Variants in DRC9 observed in about 807,000 individuals in gnomAD.
DRC9 encodes the protein dynein regulatory complex subunit 9.
chr3:197,932,192 A>C, the DRC9 span: 1 of 1,612,932 alleles, frequency 6.2e-7, no homozygotes, highest in East Asian at 2.2e-5. Context: ...GATGTCATAG[A>C]AATGCATTTT....
chr3:197,938,419 T>G, the DRC9 span: 2 of 698,138 alleles, frequency 2.9e-6, no homozygotes, highest in Non-Finnish European at 5.1e-6. Context: ...GCTAATTCTA[T>G]TCTCAGCAGT....
chr3:197,938,985 A>G, the DRC9 span: 28 of 568,758 alleles, frequency 4.9e-5, no homozygotes, highest in East Asian at 8.0e-4. Context: ...TCATTCCCCA[A>G]CTTACCACCT....
the DRC9 span, among the ~76,000 whole-genome samples, chr3:197,935,238 C>T: frequency 2.0e-5 from 3 of 152,036 alleles, no homozygotes; most frequent in Admixed American, 6.5e-5. Context: ...GTCGGGAGTT[C>T]GAGATCAGCC....
the DRC9 span, among the ~76,000 whole-genome samples, chr3:197,902,859 G>T: frequency 1.3e-5 from 2 of 152,078 alleles, no homozygotes; most frequent in Non-Finnish European, 2.9e-5. Context: ...AACCACAAAA[G>T]ACCCAGAATA....
the DRC9 span, chr3:197,913,357 C>CGTGGGTGT: frequency 4.5e-6 from 1 of 223,594 alleles, no homozygotes; most frequent in South Asian, 7.1e-5. Context: ...TGTGTGCGTG[C>CGTGGGTGT]GTGCGTGTGT....
chr3:197,954,964 C>A, the DRC9 span, among the ~76,000 whole-genome samples: 1 of 152,170 alleles, frequency 6.6e-6, no homozygotes, highest in African/African-American at 2.4e-5. Context: ...TTATTTTGTA[C>A]ATGAAGAAAA....
At chr3:197,943,716 A>G in the DRC9 span, 1 of 1,294,358 alleles carries the variant, frequency 7.7e-7, no homozygotes, top group Non-Finnish European at 1.1e-6. Flanking sequence ...TGGGATAGGT[A>G]CTATAAATGA....
chr3:197,927,762 G>A, the DRC9 span, among the ~76,000 whole-genome samples: 4 of 152,114 alleles, frequency 2.6e-5, no homozygotes, highest in African/African-American at 4.8e-5. Flanking sequence ...ATACACCATG[G>A]AATACTATGC....
the DRC9 span, chr3:197,951,040 TA>T: frequency 2.5e-6 from 4 of 1,597,226 alleles, no homozygotes; most frequent in African/African-American, 5.4e-5. Flanking sequence ...AATGCGAGCT[TA>T]AAATTGGCAA....
At chr3:197,935,211 C>T in the DRC9 span, among the ~76,000 whole-genome samples, 10 of 151,960 alleles carry the variant, frequency 6.6e-5, no homozygotes, top group Admixed American at 1.3e-4. Flanking sequence ...GAGACTGAGG[C>T]GGGCGGATCA....
At chr3:197,912,801 G>T in the DRC9 span, 1 of 1,463,510 alleles carries the variant, frequency 6.8e-7, no homozygotes. Context: ...CTGGGAATCA[G>T]AAGTTCTCAA....
chr3:197,914,420 T>C, the DRC9 span, among the ~76,000 whole-genome samples: 1 of 152,238 alleles, frequency 6.6e-6, no homozygotes, highest in Non-Finnish European at 1.5e-5. Context: ...AACTTTTTAC[T>C]TTCTATAAAA....
the DRC9 span, chr3:197,943,714 G>T: frequency 7.8e-7 from 1 of 1,280,244 alleles, no homozygotes; most frequent in Non-Finnish European, 1.1e-6. Flanking sequence ...AATGGGATAG[G>T]TACTATAAAT....
chr3:197,938,486 C>T, the DRC9 span: 13 of 1,198,736 alleles, frequency 1.1e-5, no homozygotes, highest in Admixed American at 1.9e-4. Context: ...GCCACCTGGG[C>T]GCCCCTTCGC....
At chr3:197,938,494 C>T in the DRC9 span, 18 of 1,375,056 alleles carry the variant, frequency 1.3e-5, no homozygotes, top group Admixed American at 1.7e-5. Flanking sequence ...GGCGCCCCTT[C>T]GCTCATCTAT....
At chr3:197,938,575 T>C in the DRC9 span, 58 of 1,613,536 alleles carry the variant, frequency 3.6e-5, no homozygotes, top group Admixed American at 9.7e-4. Context: ...CTTCAGTGTC[T>C]CCGTAGTCAT....
the DRC9 span, among the ~76,000 whole-genome samples, chr3:197,935,858 G>A: frequency 6.6e-6 from 1 of 152,094 alleles, no homozygotes. Flanking sequence ...TGCCTGTAAA[G>A]CCAACCTCCT....
the DRC9 span, among the ~76,000 whole-genome samples, chr3:197,918,544 C>A: frequency 6.6e-6 from 1 of 152,066 alleles, no homozygotes; most frequent in African/African-American, 2.4e-5. Flanking sequence ...GTAAATAAAG[C>A]CTTTTGCAGA....
chr3:197,922,658 A>T, the DRC9 span, among the ~76,000 whole-genome samples: 1 of 152,052 alleles, frequency 6.6e-6, no homozygotes, highest in African/African-American at 2.4e-5. Flanking sequence ...GTGAGCCAAG[A>T]TCGAGCTGCT....
Sources: allele counts gnomAD v4.1 joint callset (sites outside exome capture counted in the v4.1 genomes callset), GRCh38; gene constraint gnomAD v4.1.1; transcripts MANE v1.5; gene names NCBI Gene and HGNC (gene_info 2026-07-23, HGNC 2026-07-21).